IQCM: variants seen among roughly 807,000 people sequenced by gnomAD.
IQCM encodes the protein IQ motif containing M.
IQCM carries 45 observed loss-of-function variants against 57.6 expected under a neutral mutation model. That is an observed-to-expected ratio of 0.78 (90% confidence interval 0.62 to 1.00). The LOEUF (loss-of-function observed/expected upper bound fraction) is 1.00, where lower values mean the gene tolerates loss of function less well. Among genes scored for constraint, IQCM ranks in the 50% least tolerant of loss-of-function variants. The probability of loss-of-function intolerance (pLI) is 0.00; values close to 1 mark genes in which losing one functional copy is unlikely to be tolerated. For missense variants in IQCM, 468 were observed against 511.6 expected, an observed-to-expected ratio of 0.91 and a Z score of 0.82; for synonymous variants, 148 against 158.9, an observed-to-expected ratio of 0.93 and a Z score of 0.51.
intron 12 of IQCM, among the ~76,000 whole-genome samples, chr4:149,469,367 G>C (rs995912222): frequency 2.0e-5 from 3 of 151,972 alleles, no homozygotes; most frequent in African/African-American, 7.3e-5. Context: ...TGGAAGAAAG[G>C]GTATCAGTGA....
At chr4:149,481,696 G>GTTTTTT (rs1197852884) in intron 12 of IQCM, among the ~76,000 whole-genome samples, 2 of 33,614 alleles carry the variant, frequency 5.9e-5, no homozygotes, top group African/African-American at 1.2e-4. Flanking sequence ...GATTCTTCCA[G>GTTTTTT]TTTTGTTTTT....
chr4:149,771,402 A>G (rs887239058), intron 2 of IQCM, among the ~76,000 whole-genome samples: 3 of 152,098 alleles, frequency 2.0e-5, no homozygotes, highest in African/African-American at 7.2e-5. Context: ...GTCACGCTTA[A>G]ATGTCATATT....
chr4:149,763,096 A>T (rs1435272123), intron 2 of IQCM, among the ~76,000 whole-genome samples: 1 of 152,056 alleles, frequency 6.6e-6, no homozygotes, highest in Non-Finnish European at 1.5e-5. Context: ...TTAATCTAAT[A>T]TTGGCCTTCA....
intron 8 of IQCM, among the ~76,000 whole-genome samples, chr4:149,615,931 C>G (rs1390185133): frequency 6.6e-6 from 1 of 152,074 alleles, no homozygotes; most frequent in Non-Finnish European, 1.5e-5. Flanking sequence ...AACTTCATAT[C>G]CATTAGGATG....
chr4:149,724,396 A>G (rs1370014596), intron 5 of IQCM, among the ~76,000 whole-genome samples: 1 of 152,124 alleles, frequency 6.6e-6, no homozygotes, highest in East Asian at 1.9e-4. Flanking sequence ...ATTACAATTT[A>G]TTATGCTCTC....
intron 2 of IQCM, among the ~76,000 whole-genome samples, chr4:149,784,754 G>A (rs1247456135): frequency 2.0e-5 from 3 of 152,124 alleles, no homozygotes; most frequent in South Asian, 4.1e-4. Context: ...TATGCATTGC[G>A]AATGTCTGAA....
intron 13 of IQCM, among the ~76,000 whole-genome samples, chr4:149,357,432 T>C (rs1729087610): frequency 6.6e-6 from 1 of 152,276 alleles, no homozygotes; most frequent in South Asian, 2.1e-4. Context: ...AATACCTAAT[T>C]TATTGAGAGT....
chr4:149,412,883 G>A (rs11938834), intron 13 of IQCM, among the ~76,000 whole-genome samples: 70,413 of 151,894 alleles, frequency 0.46, 16,536 homozygotes, highest in East Asian at 0.51. Flanking sequence ...CATGCCCAGG[G>A]AAAGTTAAAA....
chr4:149,783,401 A>G (rs567636374), intron 2 of IQCM, among the ~76,000 whole-genome samples: 2 of 152,252 alleles, frequency 1.3e-5, no homozygotes, highest in Admixed American at 1.3e-4. Context: ...TACCTTCTCC[A>G]TTACCACCCT....
At chr4:149,527,959 A>G (rs567365327) in intron 12 of IQCM, among the ~76,000 whole-genome samples, 1 of 150,154 alleles carries the variant, frequency 6.7e-6, no homozygotes, top group Non-Finnish European at 1.5e-5. Flanking sequence ...CTGCTTGGAT[A>G]TCTTCATGAG....
chr4:149,641,385 G>A (rs183858836), intron 7 of IQCM, among the ~76,000 whole-genome samples: 1 of 151,726 alleles, frequency 6.6e-6, no homozygotes, highest in Admixed American at 6.6e-5. Flanking sequence ...TGAAAATGAA[G>A]AAAAATTATA....
chr4:149,673,569 C>G (rs1403118023), intron 7 of IQCM, among the ~76,000 whole-genome samples: 1 of 152,130 alleles, frequency 6.6e-6, no homozygotes, highest in East Asian at 1.9e-4. Flanking sequence ...ACAAGAAGAG[C>G]TAACTATCCT....
intron 12 of IQCM, among the ~76,000 whole-genome samples, chr4:149,538,261 G>A (rs1747500924): frequency 1.3e-5 from 2 of 151,636 alleles, no homozygotes. Context: ...ATGACAGGAA[G>A]CTGTATTGAA....
intron 2 of IQCM, among the ~76,000 whole-genome samples, chr4:149,812,025 T>A (rs2150069231): frequency 6.6e-6 from 1 of 152,286 alleles, no homozygotes; most frequent in Admixed American, 6.5e-5. Context: ...GGTGGCCACA[T>A]ACTCAGCCTC....
intron 2 of IQCM, among the ~76,000 whole-genome samples, chr4:149,757,619 G>T (rs879726004): frequency 3.9e-5 from 6 of 151,950 alleles, no homozygotes; most frequent in Non-Finnish European, 8.8e-5. Flanking sequence ...AGACAACAAC[G>T]GGTCAAGAAG....
At chr4:149,452,354 A>G (rs1737209778) in intron 12 of IQCM, among the ~76,000 whole-genome samples, 1 of 151,538 alleles carries the variant, frequency 6.6e-6, no homozygotes, top group African/African-American at 2.4e-5. Context: ...TCTAAAATAT[A>G]TATGAAAATA....
intron 13 of IQCM, among the ~76,000 whole-genome samples, chr4:149,420,375 GAAC>G (rs1734041464): frequency 6.6e-6 from 1 of 151,986 alleles, no homozygotes; most frequent in African/African-American, 2.4e-5. Context: ...ACTAATGCAG[GAAC>G]AGAAAACCAA....
intron 12 of IQCM, among the ~76,000 whole-genome samples, chr4:149,435,487 A>T (rs1735268033): frequency 6.6e-6 from 1 of 151,912 alleles, no homozygotes; most frequent in Admixed American, 6.6e-5. Context: ...CATTACATTT[A>T]TTATCATAAA....
intron 12 of IQCM, among the ~76,000 whole-genome samples, chr4:149,484,018 T>C (rs1741195537): frequency 6.6e-6 from 1 of 152,042 alleles, no homozygotes; most frequent in Non-Finnish European, 1.5e-5. Flanking sequence ...TGTCATAATG[T>C]AGTGACCTTC....
Sources: allele counts gnomAD v4.1 joint callset (sites outside exome capture counted in the v4.1 genomes callset), GRCh38; gene constraint gnomAD v4.1.1; transcripts MANE v1.5; gene names NCBI Gene and HGNC (gene_info 2026-07-23, HGNC 2026-07-21).